KIF26B: variants seen among roughly 807,000 people sequenced by gnomAD.
KIF26B encodes kinesin family member 26B, also known as kinesin-like protein KIF26B.
KIF26B carries 63 observed loss-of-function variants against 151.2 expected under a neutral mutation model. The observed-to-expected ratio is 0.42, with a 90% CI of 0.34 to 0.51. KIF26B has a LOEUF of 0.51. KIF26B is among the 20% of genes least tolerant of loss of function. KIF26B has a pLI of 0.07. For synonymous variants in KIF26B, 1,357 were observed against 1,262.1 expected (o/e 1.08, Z -1.59); for missense variants, 2,813 against 2,913.6 (o/e 0.97, Z 0.79).
intron 2 of KIF26B, among the ~76,000 whole-genome samples, chr1:245,295,283 C>T (rs1267753885): frequency 6.6e-6 from 1 of 152,150 alleles, no homozygotes; most frequent in African/African-American, 2.4e-5. Context: ...AACAAATGGT[C>T]AATTCAGTCA....
rs867524730 is a variant in KIF26B, at chr1:245,540,917, C to G, written c.1317C>G (p.Val439=). The G allele has an allele frequency of 6.2e-7, 1 of 1,613,830 alleles. No homozygotes were observed. The highest frequency in any genetic ancestry group is 8.5e-7 in the Non-Finnish European group (1 of 1,179,792). The part of the protein sequence containing the change: ...PPAPPCLLRA[V]NKVKDTPGLG... ...CCCCACCCTGCCTGCTGAGGGCTGT[C>G]AACAAGGTGAAGGACACCCCGGGGC... Residue 439 remains valine (V), a synonymous_variant, in exon 5 of 15, where the codon GTC becomes GTG. Transcript: ENST00000407071. The surrounding 1 kb of genome is among the most constrained non-coding windows in gnomAD (Gnocchi z 4.6).
chr1:245,303,323 C>T (rs568028044), intron 2 of KIF26B, among the ~76,000 whole-genome samples: 64 of 150,986 alleles, frequency 4.2e-4, no homozygotes, highest in Non-Finnish European at 6.8e-4. Flanking sequence ...CTCAGCCTCC[C>T]GAGTAGCTGG....
chr1:245,453,201 G>T (rs143286025), intron 4 of KIF26B, among the ~76,000 whole-genome samples: 12 of 152,080 alleles, frequency 7.9e-5, no homozygotes, highest in African/African-American at 2.9e-4. Context: ...ATGTTATTTA[G>T]ATCTTCTATA....
intron 8 of KIF26B, among the ~76,000 whole-genome samples, chr1:245,611,194 G>GT (rs1468183801): frequency 6.6e-6 from 1 of 152,174 alleles, no homozygotes; most frequent in Non-Finnish European, 1.5e-5. Flanking sequence ...TTCAAGTATC[G>GT]TGAGTGTTTG....
chr1:245,678,519 T>G (rs538630923), intron 10 of KIF26B, among the ~76,000 whole-genome samples: 63 of 152,172 alleles, frequency 4.1e-4, no homozygotes, highest in African/African-American at 1.4e-3. Context: ...GTGTAAGAAT[T>G]CTGTGTGTGT....
chr1:245,246,894 G>GAC (rs1670341561), intron 2 of KIF26B, among the ~76,000 whole-genome samples: 2 of 51,686 alleles, frequency 3.9e-5, no homozygotes, highest in South Asian at 6.5e-4. Context: ...CACACACACA[G>GAC]ACACACACAC....
chr1:245,253,372 TA>T (rs1299730650), intron 2 of KIF26B, among the ~76,000 whole-genome samples: 6 of 152,164 alleles, frequency 3.9e-5, no homozygotes, highest in African/African-American at 1.4e-4. Flanking sequence ...ATTTTTATAT[TA>T]TTTGCATCAA....
intron 10 of KIF26B, among the ~76,000 whole-genome samples, chr1:245,658,203 C>T (rs944251879): frequency 6.6e-6 from 1 of 152,216 alleles, no homozygotes; most frequent in Admixed American, 6.5e-5. Flanking sequence ...TCTTGATGCG[C>T]ACAGCTACAG....
In KIF26B at chr1:245,698,215, C is replaced by A; in HGVS notation, c.5934C>A (p.Ser1978Arg). 2 of 1,614,024 alleles carry A rather than the reference C, an allele frequency of 1.2e-6. No homozygotes were observed. Among genetic ancestry groups the A allele is most frequent in the Non-Finnish European group, 1.7e-6 (2 of 1,179,890 alleles). The change falls in exon 13 of 15, where the codon AGC becomes AGA. Residue 1978 changes from serine to arginine, a missense_variant. Ser to Arg is a moderately radical substitution (Grantham distance 110). Around this residue, in one of 3 missense-constraint regions of KIF26B, gnomAD observed 2,060 missense variants for 2,088.6 expected, o/e 0.99. Transcript: ENST00000407071. This position sits in a 1 kb window ranked among gnomAD's most constrained non-coding sequence, Gnocchi z 4.0. ...GVRWVDGPLR[S>R]SPRGLGEPFE... Reference sequence around the variant, plus strand: ...GCTGGGTGGATGGCCCCTTGCGGAGCAGCCCGAGGGGCCTTGGGGAACCCT... The same window carrying A: ...GCTGGGTGGATGGCCCCTTGCGGAGAAGCCCGAGGGGCCTTGGGGAACCCT...
chr1:245,456,034 T>A (rs149085310), intron 4 of KIF26B, among the ~76,000 whole-genome samples: 4 of 152,344 alleles, frequency 2.6e-5, no homozygotes, highest in African/African-American at 9.6e-5. Flanking sequence ...ACACCCATGA[T>A]TCCAGGAGTC....
chr1:245,629,882 C>T (rs1002921827), intron 9 of KIF26B, among the ~76,000 whole-genome samples: 1 of 126,916 alleles, frequency 7.9e-6, no homozygotes, highest in Non-Finnish European at 1.7e-5. Context: ...CTACAAGGAA[C>T]CTAAATTTAC....
chr1:245,691,267 AG>A (rs1222509521), intron 12 of KIF26B, among the ~76,000 whole-genome samples: 1 of 152,258 alleles, frequency 6.6e-6, no homozygotes, highest in Non-Finnish European at 1.5e-5. Flanking sequence ...AGCAGGCAGC[AG>A]GCTCTGCATA....
chr1:245,600,163 C>T (rs1381618086), intron 5 of KIF26B, among the ~76,000 whole-genome samples: 2 of 131,996 alleles, frequency 1.5e-5, no homozygotes, highest in African/African-American at 5.8e-5. Flanking sequence ...CTCAGCCTCC[C>T]GAGTAGCTGG....
chr1:245,190,143 G>A (rs546837704), intron 2 of KIF26B, among the ~76,000 whole-genome samples: 11 of 152,076 alleles, frequency 7.2e-5, no homozygotes, highest in African/African-American at 2.7e-4. Context: ...TGGGGAAACT[G>A]CCCCCATGAT....
chr1:245,433,301 TAAA>T (rs61267121), intron 4 of KIF26B, among the ~76,000 whole-genome samples: 6 of 145,086 alleles, frequency 4.1e-5, no homozygotes, highest in Admixed American at 6.9e-5. Flanking sequence ...CCATCTCTAC[TAAA>T]AAAAAAAAAA....
At chr1:245,296,110 A>G (rs959639971) in intron 2 of KIF26B, among the ~76,000 whole-genome samples, 1 of 151,852 alleles carries the variant, frequency 6.6e-6, no homozygotes, top group African/African-American at 2.4e-5. Flanking sequence ...TGGGTTGTAC[A>G]TGCTACTAGG....
chr1:245,161,830 T>A (rs1473175292), intron 2 of KIF26B, among the ~76,000 whole-genome samples: 2 of 152,152 alleles, frequency 1.3e-5, no homozygotes, highest in East Asian at 1.9e-4. Flanking sequence ...ACTGACTGAG[T>A]GAGAGGCACC....
chr1:245,493,238 G>A (rs1252080311), intron 4 of KIF26B, among the ~76,000 whole-genome samples: 1 of 152,200 alleles, frequency 6.6e-6, no homozygotes, highest in Non-Finnish European at 1.5e-5. Flanking sequence ...CTAGAGGCAA[G>A]TGCGGTTATT....
chr1:245,577,042 T>A (rs1174346744), intron 5 of KIF26B, among the ~76,000 whole-genome samples: 2 of 152,226 alleles, frequency 1.3e-5, no homozygotes, highest in Non-Finnish European at 2.9e-5. Flanking sequence ...ATGATTCATA[T>A]CTAAATTTAA....
Sources: allele counts gnomAD v4.1 joint callset (sites outside exome capture counted in the v4.1 genomes callset), GRCh38; gene constraint gnomAD v4.1.1; regional missense constraint gnomAD v4.1.1; non-coding constraint Gnocchi (gnomAD v3.1); transcripts MANE v1.5; gene names NCBI Gene and HGNC (gene_info 2026-07-23, HGNC 2026-07-21).